Variants in NBAS observed in about 807,000 individuals in gnomAD.
NBAS encodes the protein NBAS subunit of NRZ tethering complex, also known as NAG/BC035112 fusion.
A neutral mutation model predicts 302.5 loss-of-function variants in NBAS; 219 were observed. The ratio of observed to expected loss-of-function variants is 0.72; its 90% CI spans 0.65 to 0.81. The LOEUF is 0.81. Among genes scored for constraint, NBAS ranks in the 30% least tolerant of loss-of-function variants. The pLI, the probability that NBAS is intolerant of heterozygous loss-of-function variation, is 0.00. For missense variants in NBAS, 2,932 were observed against 2,841.6 expected (o/e 1.03, Z -0.72); for synonymous variants, 1,118 against 1,021.6 (o/e 1.09, Z -1.80).
At chr2:15,503,996 T>C in intron 11 of NBAS, 149 bp downstream of exon 11, 3 of 704,280 alleles carry the variant, frequency 4.3e-6, no homozygotes, top group Non-Finnish European at 5.2e-6. Context: ...GCTCTATGAA[T>C]TCTTACTAAT....
chr2:14,833,712 G>A, the NBAS span, among the ~76,000 whole-genome samples: 5 of 151,846 alleles, frequency 3.3e-5, no homozygotes, highest in African/African-American at 9.7e-5. Flanking sequence ...TGGACTGGGA[G>A]GTAGGAGACC....
downstream of NBAS, chr2:15,166,811 TA>T: frequency 2.1e-6 from 1 of 468,990 alleles, no homozygotes; most frequent in Non-Finnish European, 3.6e-6. Context: ...CAGGTTGAAA[TA>T]AAAAAGGAGG....
At chr2:15,114,863 A>T in the NBAS span, among the ~76,000 whole-genome samples, 1 of 152,244 alleles carries the variant, frequency 6.6e-6, no homozygotes, top group Non-Finnish European at 1.5e-5. Context: ...AAATAGGAAG[A>T]TAAACATATT....
the NBAS span, among the ~76,000 whole-genome samples, chr2:14,858,021 A>AT: frequency 2.1e-4 from 32 of 152,196 alleles, no homozygotes; most frequent in Non-Finnish European, 3.5e-4. Context: ...AAGAGACTTT[A>AT]ATGGTCATTT....
the NBAS span, among the ~76,000 whole-genome samples, chr2:15,132,462 TG>T: frequency 1.3e-5 from 2 of 152,112 alleles, no homozygotes; most frequent in East Asian, 1.9e-4. Flanking sequence ...GCAGTGGATT[TG>T]GGGGGCAGTA....
chr2:15,544,983 C>T (rs1161761690), intron 6 of NBAS, among the ~76,000 whole-genome samples: 1 of 151,458 alleles, frequency 6.6e-6, no homozygotes, highest in Non-Finnish European at 1.5e-5. Context: ...TGCACTCCAG[C>T]CTAGGTGATA....
At chr2:15,531,956 T>C (rs780720954) in intron 9 of NBAS, among the ~76,000 whole-genome samples, 1 of 152,206 alleles carries the variant, frequency 6.6e-6, no homozygotes, top group Non-Finnish European at 1.5e-5. Flanking sequence ...ATGTACTTTA[T>C]ATTCATTGTT....
chr2:14,784,574 A>T, the NBAS span, among the ~76,000 whole-genome samples: 2 of 152,202 alleles, frequency 1.3e-5, no homozygotes, highest in Admixed American at 6.5e-5. Context: ...TTAAATAGGG[A>T]ATCCTTTCCC....
the NBAS span, among the ~76,000 whole-genome samples, chr2:14,849,528 T>G: frequency 6.6e-6 from 1 of 151,606 alleles, no homozygotes; most frequent in Non-Finnish European, 1.5e-5. Context: ...CCAGGAGAAC[T>G]TCCCCAACCT....
At chr2:15,527,528 G>A (rs548286389) in intron 9 of NBAS, among the ~76,000 whole-genome samples, 1 of 152,306 alleles carries the variant, frequency 6.6e-6, no homozygotes, top group South Asian at 2.1e-4. Flanking sequence ...TGCCAGAGGG[G>A]AGGAACACTG....
At chr2:15,025,598 T>C in the NBAS span, among the ~76,000 whole-genome samples, 8 of 152,316 alleles carry the variant, frequency 5.3e-5, no homozygotes, top group African/African-American at 1.7e-4. Flanking sequence ...TCCATGAGGA[T>C]GGAATGTTTT....
At chr2:15,119,530 G>C in the NBAS span, among the ~76,000 whole-genome samples, 1 of 151,920 alleles carries the variant, frequency 6.6e-6, no homozygotes, top group African/African-American at 2.4e-5. Context: ...TAGTAGAGAC[G>C]GGGTTTCACC....
intron 11 of NBAS, among the ~76,000 whole-genome samples, chr2:15,501,586 T>TC (rs1475849970): frequency 7.1e-6 from 1 of 139,916 alleles, no homozygotes; most frequent in African/African-American, 2.8e-5. Flanking sequence ...AACTAAATAT[T>TC]TTTTTTTTTT....
chr2:15,041,081 C>T, the NBAS span, among the ~76,000 whole-genome samples: 128 of 152,280 alleles, frequency 8.4e-4, no homozygotes, highest in African/African-American at 3.0e-3. Flanking sequence ...ATAGGAGCTC[C>T]CCTTTGCACA....
intron 1 of NBAS, 145 bp downstream of exon 1, chr2:15,561,043 G>A (rs939218268): frequency 2.6e-5 from 16 of 620,434 alleles, no homozygotes; most frequent in Non-Finnish European, 4.5e-5. Context: ...AGCCCAAGGT[G>A]CCGTTGCCAA....
the NBAS span, among the ~76,000 whole-genome samples, chr2:15,013,771 C>T: frequency 2.3e-4 from 35 of 151,812 alleles, no homozygotes; most frequent in African/African-American, 8.0e-4. Context: ...GGTGACAAAG[C>T]CAGACTCCAC....
the NBAS span, among the ~76,000 whole-genome samples, chr2:15,027,521 A>G: frequency 2.0e-5 from 3 of 152,102 alleles, no homozygotes; most frequent in Non-Finnish European, 2.9e-5. Context: ...TAATAATTAT[A>G]GTAGCTTTAC....
At chr2:14,946,245 A>G in the NBAS span, among the ~76,000 whole-genome samples, 5 of 152,214 alleles carry the variant, frequency 3.3e-5, no homozygotes, top group Non-Finnish European at 7.3e-5. Flanking sequence ...AATACCAAAC[A>G]GTTTCAACCC....
intron 25 of NBAS, among the ~76,000 whole-genome samples, 187 bp downstream of exon 25, chr2:15,415,359 A>C (rs1205943138): frequency 6.6e-6 from 1 of 152,206 alleles, no homozygotes; most frequent in African/African-American, 2.4e-5. Flanking sequence ...AAATAAATCA[A>C]AATAAACATA....
Sources: gnomAD v4.1 joint callset for allele counts (sites outside exome capture counted in the v4.1 genomes callset) on GRCh38, gnomAD v4.1.1 for gene constraint, MANE v1.5 for transcripts, NCBI Gene and HGNC (gene_info 2026-07-23, HGNC 2026-07-21) for gene names.